DLC1: variants seen among roughly 807,000 people sequenced by gnomAD.
DLC1 encodes the protein DLC1 Rho GTPase activating protein, also known as rho GTPase-activating protein 7.
A neutral mutation model predicts 140.3 loss-of-function variants in DLC1; 54 were observed. That is an observed-to-expected ratio of 0.38 (90% CI 0.31 to 0.48). The LOEUF (loss-of-function observed/expected upper bound fraction) is 0.48, where lower values mean the gene tolerates loss of function less well. Among genes scored for constraint, DLC1 ranks in the 20% least tolerant of loss-of-function variants. The pLI is 0.96. For synonymous variants in DLC1, 986 were observed against 728.1 expected (o/e 1.35, Z -5.70); for missense variants, 2,536 against 1,907.0 (o/e 1.33, Z -6.14).
chr8:13,164,097 G>A (rs1160196407), intron 5 of DLC1, among the ~76,000 whole-genome samples: 1 of 152,106 alleles, frequency 6.6e-6, no homozygotes, highest in Non-Finnish European at 1.5e-5. Context: ...AGGAGTTTGA[G>A]ACCAGGCTGG....
At chr8:13,341,521 G>C (rs1586167073) in intron 4 of DLC1, 1 of 152,288 alleles carries the variant, frequency 6.6e-6, no homozygotes, top group African/African-American at 2.4e-5. Flanking sequence ...CGAATACGCT[G>C]CTGCTGCTGG....
intron 1 of DLC1, among the ~76,000 whole-genome samples, chr8:13,573,193 T>C (rs1285836914): frequency 6.6e-6 from 1 of 152,228 alleles, no homozygotes; most frequent in Non-Finnish European, 1.5e-5. Flanking sequence ...TTGTTCAATG[T>C]ATTCGTAAGT....
intron 4 of DLC1, among the ~76,000 whole-genome samples, chr8:13,330,648 C>T (rs1042850199): frequency 6.6e-6 from 1 of 152,184 alleles, no homozygotes; most frequent in African/African-American, 2.4e-5. Context: ...GTCTCTGCAT[C>T]ATGTTTCAAG....
At chr8:13,201,073 C>G (rs1285669477) in intron 5 of DLC1, among the ~76,000 whole-genome samples, 1 of 151,862 alleles carries the variant, frequency 6.6e-6, no homozygotes, top group South Asian at 2.1e-4. Context: ...TATTTTTGGA[C>G]TTTTGTCTCC....
Position 13,233,915 on chromosome 8 carries a change from T to C in DLC1, c.1348+71354A>G, listed in dbSNP as rs77242291. Among the ~76,000 whole-genome samples, 375 of 152,362 alleles carry C rather than the reference T, an allele frequency of 2.5e-3. 5 individuals are homozygous for C. In the East Asian group the frequency reaches 0.031, roughly 13 times the overall value. ...TTTGTTTATCGTCTCTCTGTGTTTC[T>C]CTGAGGCTAGTATAACATTAAATGT... is the stretch of plus-strand genomic sequence containing the variant. On this transcript the variant is annotated intron_variant, in intron 5 of 17. Transcript: ENST00000276297.
At chr8:13,348,527 T>C (rs1834478764) in intron 4 of DLC1, among the ~76,000 whole-genome samples, 1 of 152,196 alleles carries the variant, frequency 6.6e-6, no homozygotes, top group African/African-American at 2.4e-5. Context: ...GTTAGAAGGT[T>C]GTTGCTAGAG....
chr8:13,367,163 A>T (rs897265), intron 4 of DLC1, among the ~76,000 whole-genome samples: 1 of 151,896 alleles, frequency 6.6e-6, no homozygotes, highest in African/African-American at 2.4e-5. Context: ...TTGGGTTTCT[A>T]CTTTAGTCCT....
chr8:13,260,492 T>G (rs1261363767), intron 5 of DLC1, among the ~76,000 whole-genome samples: 1 of 152,102 alleles, frequency 6.6e-6, no homozygotes, highest in Non-Finnish European at 1.5e-5. Context: ...GATAATGAAG[T>G]TAATTGTGGA....
rs75681369 is a variant in DLC1, at chr8:13,157,857, T to A, written c.1349-42200A>T. ...GGCAATTGACGTTTTTTCCTCTCAATTTCTATTTACCACACAACATGCTTT... is the reference window on the plus strand; with the variant it reads ...GGCAATTGACGTTTTTTCCTCTCAAATTCTATTTACCACACAACATGCTTT... On this transcript the variant is annotated intron_variant, in intron 5 of 17. Coordinates refer to ENST00000276297, the MANE Select transcript of DLC1 (RefSeq NM_182643.3). 5.4e-3 allele frequency among the ~76,000 whole-genome samples: 827 copies of A among 152,354 alleles called. 8 individuals carry two copies. Among genetic ancestry groups the A allele is most frequent in the African/African-American group, 0.019 (787 of 41,584 alleles).
At chr8:13,177,318 G>A (rs1225782641) in intron 5 of DLC1, among the ~76,000 whole-genome samples, 1 of 152,094 alleles carries the variant, frequency 6.6e-6, no homozygotes, top group African/African-American at 2.4e-5. Flanking sequence ...TATAGAAAAA[G>A]CTAGATATTA....
chr8:13,116,006 C>G, intron 5 of DLC1: 1 of 385,972 alleles, frequency 2.6e-6, no homozygotes, highest in Non-Finnish European at 3.7e-6. Context: ...TCATTTGAAG[C>G]CTGGCCGGCC....
chr8:13,310,997 A>G (rs1296809035), intron 4 of DLC1, among the ~76,000 whole-genome samples: 1 of 152,178 alleles, frequency 6.6e-6, no homozygotes, highest in East Asian at 1.9e-4. Flanking sequence ...TCTGTTTTTT[A>G]CTTGTTCTAA....
At chr8:13,370,744 G>A (rs560757057) in intron 4 of DLC1, among the ~76,000 whole-genome samples, 3 of 152,056 alleles carry the variant, frequency 2.0e-5, no homozygotes, top group African/African-American at 7.2e-5. Flanking sequence ...TTCTTTCTGG[G>A]GTGGCAAGAT....
intron 2 of DLC1, among the ~76,000 whole-genome samples, chr8:13,488,095 T>C (rs922150019): frequency 6.6e-6 from 1 of 152,178 alleles, no homozygotes; most frequent in African/African-American, 2.4e-5. Flanking sequence ...GAGGAATTAT[T>C]CTCATGCCTT....
chr8:13,256,965 C>G (rs1830256405), intron 5 of DLC1, among the ~76,000 whole-genome samples: 3 of 150,390 alleles, frequency 2.0e-5, no homozygotes, highest in South Asian at 4.2e-4. Flanking sequence ...CCAGTACATA[C>G]TATTAGTGTG....
chr8:13,191,824 T>G lies in DLC1; in HGVS notation c.1349-76167A>C, dbSNP rs139405586. 6.2e-4 allele frequency among the ~76,000 whole-genome samples: 94 copies of G among 152,260 alleles called. No homozygotes were observed. The South Asian group carries it at 7.1e-3, about 11-fold the overall frequency. On this transcript the variant is annotated intron_variant, in intron 5 of 17. Coordinates refer to ENST00000276297, the MANE Select transcript of DLC1 (RefSeq NM_182643.3). The stretch of plus-strand genomic sequence containing the variant: ...TTTCTTCATCTGTGAAATAATAGAT[T>G]GGGCAGTACTAACTCTGTAGTCCTT...
rs60094700 is a variant in DLC1 at position 13,085,576 on chromosome 8, AT to A, written c.*234del. On this transcript the variant is annotated 3_prime_UTR_variant, in exon 18 of 18. Transcript: ENST00000276297. Reference sequence around the variant, plus strand: ...GCAATTTGAATAAGAATACACATAAATTTTTTTTTTTTTTTTGCACAGTCTT... The same window carrying A: ...GCAATTTGAATAAGAATACACATAAATTTTTTTTTTTTTTTGCACAGTCTT... The A allele has an allele frequency of 0.13, 39,681 of 314,530 alleles. 404 individuals are homozygous for A. The highest frequency in any genetic ancestry group is 0.17 in the Middle Eastern group (168 of 970). The allele number at this position is 314,530 out of a possible 1,614,324, so 19.5% of individuals were successfully genotyped here. A position where few individuals can be genotyped will look rare whatever the true frequency, so the allele number is the denominator to read the frequency against.
intron 5 of DLC1, among the ~76,000 whole-genome samples, chr8:13,294,899 C>T (rs1028224140): frequency 3.9e-5 from 6 of 152,096 alleles, no homozygotes; most frequent in Non-Finnish European, 5.9e-5. Context: ...CTCATAGGGT[C>T]GCTAGGGGAT....
At chr8:13,277,511 T>A (rs1474284673) in intron 5 of DLC1, among the ~76,000 whole-genome samples, 1 of 152,138 alleles carries the variant, frequency 6.6e-6, no homozygotes, top group African/African-American at 2.4e-5. Context: ...CTCATTACAA[T>A]TGCACATCAA....
Sources: gnomAD v4.1 joint callset for allele counts (sites outside exome capture counted in the v4.1 genomes callset) on GRCh38, gnomAD v4.1.1 for gene constraint, MANE v1.5 for transcripts, NCBI Gene and HGNC (gene_info 2026-07-23, HGNC 2026-07-21) for gene names.